Variants in BNC2 observed in about 807,000 individuals in gnomAD.
BNC2 encodes the protein basonuclin zinc finger protein 2, also known as zinc finger protein basonuclin-2.
Under a neutral mutation model 76.3 loss-of-function variants are expected in BNC2, and 20 were observed. The ratio of observed to expected loss-of-function variants is 0.26; its 90% confidence interval spans 0.18 to 0.38. The LOEUF (loss-of-function observed/expected upper bound fraction) is 0.38. Among genes scored for constraint, BNC2 ranks in the 10% least tolerant of loss-of-function variants. The pLI, the probability that BNC2 is intolerant of heterozygous loss-of-function variation, is 1.00. For synonymous variants in BNC2, 582 were observed against 514.8 expected (o/e 1.13, Z -1.77); for missense variants, 1,382 against 1,399.8 (o/e 0.99, Z 0.20).
chr9:16,553,142 C>A (rs1818716179), intron 4 of BNC2, among the ~76,000 whole-genome samples: 1 of 152,130 alleles, frequency 6.6e-6, no homozygotes. Flanking sequence ...TCCCCTACCC[C>A]CCACCAAAAA....
chr9:16,710,405 G>A (rs1418704124), intron 3 of BNC2, among the ~76,000 whole-genome samples: 1 of 152,146 alleles, frequency 6.6e-6, no homozygotes, highest in Non-Finnish European at 1.5e-5. Flanking sequence ...GAGCCAAAGG[G>A]CTAAAATATC....
At chr9:16,543,867 T>A (rs1230550982) in intron 5 of BNC2, among the ~76,000 whole-genome samples, 6 of 152,250 alleles carry the variant, frequency 3.9e-5, no homozygotes, top group Middle Eastern at 6.8e-3. Flanking sequence ...GCCAGGACAG[T>A]GTTTGTAGAG....
intron 1 of BNC2, among the ~76,000 whole-genome samples, chr9:16,751,308 T>C (rs548647523): frequency 2.7e-5 from 4 of 150,382 alleles, no homozygotes; most frequent in Admixed American, 6.6e-5. Context: ...ACTGGAGTAC[T>C]GGATGAGTAA....
intron 1 of BNC2, among the ~76,000 whole-genome samples, chr9:16,849,812 T>C (rs1337630931): frequency 1.3e-5 from 2 of 152,064 alleles, no homozygotes; most frequent in Non-Finnish European, 2.9e-5. Context: ...CCTCAAACCA[T>C]AACTTGCTGA....
chr9:16,848,410 C>G (rs1409516473), intron 1 of BNC2, among the ~76,000 whole-genome samples: 1 of 152,144 alleles, frequency 6.6e-6, no homozygotes, highest in Non-Finnish European at 1.5e-5. Context: ...ATAAAGCATT[C>G]AGAACCTATC....
chr9:16,429,336 G>C (rs1320320350), intron 6 of BNC2: 2 of 152,598 alleles, frequency 1.3e-5, no homozygotes, highest in Admixed American at 1.3e-4. Context: ...TACATGTACA[G>C]TCTTACCACC....
chr9:16,548,798 G>GA (rs554001618), intron 5 of BNC2, among the ~76,000 whole-genome samples: 2 of 152,270 alleles, frequency 1.3e-5, no homozygotes, highest in African/African-American at 4.8e-5. Flanking sequence ...TGGTTTTCTG[G>GA]AAAATGCTTA....
chr9:16,844,362 G>C, intron 1 of BNC2, among the ~76,000 whole-genome samples: 1 of 150,640 alleles, frequency 6.6e-6, no homozygotes, highest in East Asian at 1.9e-4. Context: ...AAAACGTTAA[G>C]AAGTAGAATT....
At chr9:16,474,724 C>T (rs926275333) in intron 5 of BNC2, among the ~76,000 whole-genome samples, 11 of 151,864 alleles carry the variant, frequency 7.2e-5, no homozygotes, top group Admixed American at 3.3e-4. Flanking sequence ...TTGAAGCTTT[C>T]GTTGAAAAAA....
chr9:16,492,520 C>T (rs889136232), intron 5 of BNC2, among the ~76,000 whole-genome samples: 1 of 152,138 alleles, frequency 6.6e-6, no homozygotes, highest in Non-Finnish European at 1.5e-5. Context: ...TTTTCTACTG[C>T]ATATGATTTC....
intron 3 of BNC2, among the ~76,000 whole-genome samples, chr9:16,589,564 G>A (rs552064674): frequency 3.3e-5 from 5 of 150,336 alleles, no homozygotes; most frequent in South Asian, 2.1e-4. Flanking sequence ...GCTGGAGTAC[G>A]GTGGTGCAAT....
intron 1 of BNC2, among the ~76,000 whole-genome samples, chr9:16,841,408 T>C (rs1258605765): frequency 6.6e-6 from 1 of 152,210 alleles, no homozygotes; most frequent in Non-Finnish European, 1.5e-5. Context: ...CACTACACTA[T>C]AAATACTTAG....
chr9:16,781,317 A>C (rs1436757811), intron 1 of BNC2, among the ~76,000 whole-genome samples: 3 of 152,008 alleles, frequency 2.0e-5, no homozygotes, highest in Non-Finnish European at 2.9e-5. Context: ...AGGGGCACAG[A>C]AGAAAGGCTA....
intron 5 of BNC2, among the ~76,000 whole-genome samples, chr9:16,445,192 GA>G (rs1250684227): frequency 6.6e-6 from 1 of 152,186 alleles, no homozygotes; most frequent in African/African-American, 2.4e-5. Flanking sequence ...CGTGGAAAAA[GA>G]ACTTGGCATG....
chr9:16,828,118 G>A (rs1162838269), intron 1 of BNC2, among the ~76,000 whole-genome samples: 1 of 151,980 alleles, frequency 6.6e-6, no homozygotes, highest in Non-Finnish European at 1.5e-5. Flanking sequence ...AAGTACCTCA[G>A]GAAAAAAATT....
intron 5 of BNC2, among the ~76,000 whole-genome samples, chr9:16,522,326 G>A (rs780542578): frequency 2.0e-4 from 30 of 152,122 alleles, no homozygotes; most frequent in Admixed American, 8.5e-4. Context: ...TGGCTGCCAC[G>A]GCCTCTTCCT....
At chr9:16,580,376 A>G (rs1278633916) in intron 4 of BNC2, among the ~76,000 whole-genome samples, 1 of 152,186 alleles carries the variant, frequency 6.6e-6, no homozygotes. Flanking sequence ...ATAATTGTAA[A>G]GGAAAGAATT....
At chr9:16,675,802 C>T (rs1293285044) in intron 3 of BNC2, among the ~76,000 whole-genome samples, 2 of 152,056 alleles carry the variant, frequency 1.3e-5, no homozygotes, top group African/African-American at 4.8e-5. Context: ...CTCGGTGGCT[C>T]ACAAGGGAAG....
intron 1 of BNC2, among the ~76,000 whole-genome samples, chr9:16,799,689 A>T (rs1817736650): frequency 6.6e-6 from 1 of 152,212 alleles, no homozygotes; most frequent in Non-Finnish European, 1.5e-5. Flanking sequence ...CTTGATGCTA[A>T]CTACATAAAA....
Sources: gnomAD v4.1 joint callset for allele counts (sites outside exome capture counted in the v4.1 genomes callset) on GRCh38, gnomAD v4.1.1 for gene constraint, MANE v1.5 for transcripts, NCBI Gene and HGNC (gene_info 2026-07-23, HGNC 2026-07-21) for gene names.